The following NRXN3 variants were observed in gnomAD, a reference collection of about 807,000 sequenced individuals.
The protein encoded by NRXN3 is neurexin 3.
NRXN3 carries 32 observed loss-of-function variants against 137.6 expected under a neutral mutation model. That is an observed-to-expected ratio of 0.23 (90% CI 0.18 to 0.31). The LOEUF is 0.31. Ranked by LOEUF, NRXN3 falls within the 10% of genes least tolerant of loss-of-function variation. NRXN3 has a pLI of 1.00. For synonymous variants in NRXN3, 798 were observed against 784.5 expected, an observed-to-expected ratio of 1.02 and a Z score of -0.29; for missense variants, 1,574 against 2,062.5, an observed-to-expected ratio of 0.76 and a Z score of 4.59.
chr14:78,768,256 C>T (rs1363852107), intron 8 of NRXN3, among the ~76,000 whole-genome samples: 2 of 152,038 alleles, frequency 1.3e-5, no homozygotes, highest in African/African-American at 4.8e-5. Context: ...CCTTCTCAGG[C>T]CTTCATGATT....
intron 10 of NRXN3, among the ~76,000 whole-genome samples, chr14:78,929,985 T>A (rs1263144153): frequency 6.6e-6 from 1 of 152,200 alleles, no homozygotes; most frequent in Non-Finnish European, 1.5e-5. Flanking sequence ...TTTCAATAAA[T>A]GTTAGCTTTT....
At chr14:79,770,375 T>C (rs1680690813) in intron 19 of NRXN3, among the ~76,000 whole-genome samples, 1 of 149,078 alleles carries the variant, frequency 6.7e-6, no homozygotes, top group African/African-American at 2.5e-5. Flanking sequence ...TACTTGGAAG[T>C]AAAGCTCTCC....
chr14:79,477,135 A>G (rs1377839343), intron 16 of NRXN3, among the ~76,000 whole-genome samples: 1 of 151,896 alleles, frequency 6.6e-6, no homozygotes, highest in Non-Finnish European at 1.5e-5. Context: ...TTTAATGTAC[A>G]TAGATGGGAT....
chr14:79,827,965 G>A (rs979225550), intron 20 of NRXN3, among the ~76,000 whole-genome samples: 1 of 152,024 alleles, frequency 6.6e-6, no homozygotes, highest in African/African-American at 2.4e-5. Context: ...TAAAGTGTTG[G>A]GATTACAGGC....
At chr14:78,374,769 C>CAAAA (rs3037807) in intron 4 of NRXN3, among the ~76,000 whole-genome samples, 3 of 115,508 alleles carry the variant, frequency 2.6e-5, no homozygotes, top group African/African-American at 1.0e-4. Flanking sequence ...ACTCCATCTC[C>CAAAA]AAAAAAAAAA....
chr14:78,542,694 C>T (rs892870792), intron 4 of NRXN3, among the ~76,000 whole-genome samples: 2 of 152,172 alleles, frequency 1.3e-5, no homozygotes, highest in Admixed American at 6.5e-5. Context: ...ATGGGCTACA[C>T]CCACTGTCTA....
intron 10 of NRXN3, among the ~76,000 whole-genome samples, chr14:78,936,346 C>G (rs949298187): frequency 6.6e-6 from 1 of 152,184 alleles, no homozygotes; most frequent in Non-Finnish European, 1.5e-5. Flanking sequence ...CCCACCACCT[C>G]TTTTCATAAA....
chr14:78,554,250 A>G (rs2096718353), intron 4 of NRXN3, among the ~76,000 whole-genome samples: 1 of 152,214 alleles, frequency 6.6e-6, no homozygotes, highest in African/African-American at 2.4e-5. Flanking sequence ...GAGAGAATAC[A>G]TTGAACCTAT....
intron 6 of NRXN3, among the ~76,000 whole-genome samples, chr14:78,657,792 G>C (rs2152666077): frequency 6.6e-6 from 1 of 152,242 alleles, no homozygotes; most frequent in East Asian, 1.9e-4. Flanking sequence ...TATTTGAATT[G>C]CTGGCACCTG....
intron 15 of NRXN3, among the ~76,000 whole-genome samples, chr14:79,175,801 T>A (rs1453392539): frequency 6.6e-6 from 1 of 152,228 alleles, no homozygotes; most frequent in Non-Finnish European, 1.5e-5. Flanking sequence ...TTGCTGGCAG[T>A]GAGGAAGTGG....
At chr14:78,692,446 T>G (rs1034805781) in intron 6 of NRXN3, among the ~76,000 whole-genome samples, 1 of 152,174 alleles carries the variant, frequency 6.6e-6, no homozygotes, top group Non-Finnish European at 1.5e-5. Flanking sequence ...GCAATATAGG[T>G]AGGTGTCTTT....
intron 15 of NRXN3, among the ~76,000 whole-genome samples, chr14:79,261,190 G>A (rs908076356): frequency 6.6e-6 from 1 of 152,146 alleles, no homozygotes; most frequent in Admixed American, 6.6e-5. Context: ...GAGAAGAAAC[G>A]AAAGCTGAAG....
chr14:79,038,218 G>A (rs12432509), intron 15 of NRXN3, among the ~76,000 whole-genome samples: 150,656 of 152,056 alleles, frequency 0.99, 74,658 homozygotes, highest in Middle Eastern at 1. Context: ...TGTTGAGAAC[G>A]TTATTTTTTC....
At chr14:79,585,962 C>T (rs2097762723) in intron 16 of NRXN3, among the ~76,000 whole-genome samples, 1 of 152,214 alleles carries the variant, frequency 6.6e-6, no homozygotes, top group Non-Finnish European at 1.5e-5. Context: ...GGCTTTACAG[C>T]ATACGAACGC....
chr14:79,501,269 A>C (rs1438678378), intron 16 of NRXN3, among the ~76,000 whole-genome samples: 1 of 152,146 alleles, frequency 6.6e-6, no homozygotes, highest in African/African-American at 2.4e-5. Flanking sequence ...CAAATCCCAC[A>C]CTGAACATTT....
chr14:78,571,859 C>CAAG (rs1168518266), intron 4 of NRXN3, among the ~76,000 whole-genome samples: 2 of 152,194 alleles, frequency 1.3e-5, no homozygotes, highest in South Asian at 2.1e-4. Context: ...CTCTCACTTA[C>CAAG]AAGTAATCCC....
At chr14:79,051,096 A>G (rs1208965915) in intron 15 of NRXN3, among the ~76,000 whole-genome samples, 1 of 152,178 alleles carries the variant, frequency 6.6e-6, no homozygotes, top group Non-Finnish European at 1.5e-5. Flanking sequence ...TGCCCCACAT[A>G]ATGCAGTTTG....
At chr14:79,653,637 C>T (rs1011563806) in intron 16 of NRXN3, among the ~76,000 whole-genome samples, 1 of 152,140 alleles carries the variant, frequency 6.6e-6, no homozygotes, top group Non-Finnish European at 1.5e-5. Context: ...TCAGTGGGAT[C>T]TAAGATAGAT....
intron 16 of NRXN3, among the ~76,000 whole-genome samples, chr14:79,551,723 C>A (rs1445809562): frequency 1.3e-5 from 2 of 152,052 alleles, no homozygotes; most frequent in African/African-American, 4.8e-5. Context: ...CTGAAATGCG[C>A]AGAGGGGAGG....
Sources: allele counts gnomAD v4.1 joint callset (sites outside exome capture counted in the v4.1 genomes callset), GRCh38; gene constraint gnomAD v4.1.1; transcripts MANE v1.5; gene names NCBI Gene and HGNC (gene_info 2026-07-23, HGNC 2026-07-21).